IL1RL1: variants seen among roughly 807,000 people sequenced by gnomAD.
IL1RL1 encodes the protein interleukin 1 receptor like 1.
A neutral mutation model predicts 50.9 loss-of-function variants in IL1RL1; 32 were observed. The observed-to-expected ratio is 0.63, with a 90% CI of 0.47 to 0.84. The LOEUF (loss-of-function observed/expected upper bound fraction) is 0.84. Ranked by LOEUF, IL1RL1 falls within the 40% of genes least tolerant of loss-of-function variation. The probability of loss-of-function intolerance (pLI) is 0.00; values close to 1 mark genes in which losing one functional copy is unlikely to be tolerated. For synonymous variants in IL1RL1, 275 were observed against 236.0 expected (o/e 1.17, Z -1.51); for missense variants, 773 against 662.9 (o/e 1.17, Z -1.82).
rs773085067 is a variant in IL1RL1 at position 102,343,129 on chromosome 2, C to G, written c.776C>G (p.Thr259Arg). 6.2e-7 allele frequency: 1 copy of G among 1,614,094 alleles called. No homozygotes were observed. The highest frequency in any genetic ancestry group is 1.1e-5 in the South Asian group (1 of 91,076). ...VLWQLNGTKI[T>R]DFGEPRIQQE... ...TGGCAGCTTAATGGAACAAAAATTA[C>G]AGACTTTGGTGAACCAAGAATTCAA... Residue 259 changes from threonine to arginine, a missense_variant, in exon 7 of 11, where the codon ACA (threonine) becomes AGA (arginine). Transcript: ENST00000233954.
intron 5 of IL1RL1, among the ~76,000 whole-genome samples, chr2:102,341,035 ATTAC>A (rs1677539777): frequency 6.6e-6 from 1 of 152,206 alleles, no homozygotes; most frequent in South Asian, 2.1e-4. Flanking sequence ...GGGAAATTAC[ATTAC>A]TAATTCAAAG....
At chr2:102,344,825 T>C (rs984155301) in intron 8 of IL1RL1, 1 of 947,674 alleles carries the variant, frequency 1.1e-6, no homozygotes, top group African/African-American at 1.8e-5. Flanking sequence ...TTTGGTAAAT[T>C]CAATAACTTT....
intron 8 of IL1RL1, among the ~76,000 whole-genome samples, chr2:102,346,915 T>A (rs1677800831): frequency 6.6e-6 from 1 of 152,234 alleles, no homozygotes; most frequent in South Asian, 2.1e-4. Context: ...TCATTTGAGA[T>A]TCTTCTCACA....
rs112347537 is a variant in IL1RL1, at chr2:102,313,610, T to C, written c.-150+1987T>C. Reference sequence around the variant, plus strand: ...TATTTGTCCTATAATCACAAGGGTTTATATTTCTCTGCCCACTCCTCCATA... The same window carrying C: ...TATTTGTCCTATAATCACAAGGGTTCATATTTCTCTGCCCACTCCTCCATA... On this transcript the variant is annotated intron_variant, in intron 1 of 10. Coordinates refer to ENST00000233954, the MANE Select transcript of IL1RL1 (RefSeq NM_016232.5). 9.0e-3 allele frequency among the ~76,000 whole-genome samples: 1,369 copies of C among 152,290 alleles called. 19 individuals carry two copies. Among genetic ancestry groups the C allele is most frequent in the African/African-American group, 0.031 (1,275 of 41,536 alleles).
chr2:102,346,052 C>T (rs948875152), intron 8 of IL1RL1: 1 of 977,796 alleles, frequency 1.0e-6, no homozygotes, highest in Non-Finnish European at 1.2e-6. Flanking sequence ...CATGGTTACA[C>T]TCTGTTTCAG....
intron 1 of IL1RL1, chr2:102,337,275 A>T (rs985318484): frequency 3.9e-5 from 6 of 152,192 alleles, no homozygotes; most frequent in African/African-American, 9.7e-5. Flanking sequence ...ACCTACAAAG[A>T]CTGGAAACTA....
At chr2:102,328,370 C>T (rs1677074213) in intron 1 of IL1RL1, among the ~76,000 whole-genome samples, 1 of 152,052 alleles carries the variant, frequency 6.6e-6, no homozygotes. Context: ...ATAATAAGAG[C>T]TATCTATGAC....
chr2:102,324,914 C>T (rs531625632), intron 1 of IL1RL1, among the ~76,000 whole-genome samples: 4 of 152,320 alleles, frequency 2.6e-5, no homozygotes, highest in African/African-American at 9.6e-5. Context: ...CTGTAGACTG[C>T]ACCTCTGGGG....
Position 102,349,101 on chromosome 2 carries a change from T to C in IL1RL1, c.1140T>C (p.Tyr380=), listed in dbSNP as rs1677862331. 4 of 1,613,848 alleles carry C rather than the reference T, an allele frequency of 2.5e-6. No homozygotes were observed. Among genetic ancestry groups the C allele is most frequent in the African/African-American group, 1.3e-5 (1 of 75,044 alleles). The change falls in exon 10 of 11, where the codon TAT becomes TAC. Residue 380 remains tyrosine, a synonymous_variant. Transcript: ENST00000233954. ...CAGATGGAAAGCTCTATGATGCTTA[T>C]GTTGTCTACCCACGGAACTACAAAT... ...TRNDGKLYDA[Y]VVYPRNYKSS...
intron 10 of IL1RL1, among the ~76,000 whole-genome samples, chr2:102,351,170 A>G (rs1243494841): frequency 2.6e-5 from 4 of 152,212 alleles, no homozygotes; most frequent in Non-Finnish European, 5.9e-5. Flanking sequence ...TGAAAAACAT[A>G]TAAGCAAATA....
chr2:102,338,137 C>T lies in IL1RL1; in HGVS notation c.-128C>T. ...TCAGTTGAGATATAGGCTACTCTTC[C>T]CAACTCAGTCTTGAAGAGTATCACC... On this transcript the variant is annotated 5_prime_UTR_variant, in exon 2 of 11. Transcript: ENST00000233954. 1.8e-6 allele frequency: 1 copy of T among 550,936 alleles called. No homozygotes were observed. Among genetic ancestry groups the T allele is most frequent in the Non-Finnish European group, 3.3e-6 (1 of 302,996 alleles). The allele number at this position is 550,936 out of a possible 1,614,324, so 34.1% of individuals were successfully genotyped here.
chr2:102,316,965 T>C (rs1280057014), intron 1 of IL1RL1, among the ~76,000 whole-genome samples: 3 of 152,224 alleles, frequency 2.0e-5, no homozygotes, highest in African/African-American at 7.2e-5. Flanking sequence ...TTGTATTATT[T>C]ACATGTCTTC....
chr2:102,319,632 A>T (rs998725246), intron 1 of IL1RL1, among the ~76,000 whole-genome samples: 4 of 152,154 alleles, frequency 2.6e-5, no homozygotes, highest in African/African-American at 9.7e-5. Context: ...ATAAGGCAGG[A>T]TTTCTGCCCT....
At chr2:102,328,062 T>G (rs1489644610) in intron 1 of IL1RL1, among the ~76,000 whole-genome samples, 1 of 152,106 alleles carries the variant, frequency 6.6e-6, no homozygotes, top group African/African-American at 2.4e-5. Flanking sequence ...AAAAAGAGAA[T>G]TTTAGACCAA....
rs188037087 is a variant in IL1RL1 at position 102,339,053 on chromosome 2, A to G, written c.272+6A>G. On this transcript the variant is annotated splice_donor_region_variant and intron_variant, in intron 3 of 10. Coordinates refer to ENST00000233954, the MANE Select transcript of IL1RL1 (RefSeq NM_016232.5). ...TATACCTGTATTGTCAGAAGGTATT[A>G]TGCAGAAGGCTCCCATCTTCTTTCA... 6 of 1,596,814 alleles carry G rather than the reference A, an allele frequency of 3.8e-6. No individual in the cohort carries two copies. The African/African-American group carries it at 4.1e-5, about 11-fold the overall frequency.
intron 9 of IL1RL1, among the ~76,000 whole-genome samples, chr2:102,348,711 T>G (rs1458971933): frequency 6.6e-6 from 1 of 152,184 alleles, no homozygotes; most frequent in Non-Finnish European, 1.5e-5. Flanking sequence ...ACTATTAGCT[T>G]TAAATTTTTT....
chr2:102,311,646 T>C (rs1429566139), intron 1 of IL1RL1, 23 bp downstream of exon 1: 1 of 148,330 alleles, frequency 6.7e-6, no homozygotes, highest in Non-Finnish European at 1.5e-5. Context: ...GGGGTATTTT[T>C]CAAAAATACT....
chr2:102,339,164 T>C, intron 3 of IL1RL1, 117 bp downstream of exon 3: 1 of 694,858 alleles, frequency 1.4e-6, no homozygotes, highest in Non-Finnish European at 2.5e-6. Context: ...CAGTTAAATT[T>C]ATAAAATGAT....
chr2:102,311,939 TA>T lies in IL1RL1; in HGVS notation c.-150+318del, dbSNP rs1559592027. ...TTTATTATATAATATATATTATATA[TA>T]ATATTATATATAATATATATTATAT... On this transcript the variant is annotated intron_variant, in intron 1 of 10. Transcript: ENST00000233954. Among the ~76,000 whole-genome samples, 4 of 39,058 alleles carry T rather than the reference TA, an allele frequency of 1.0e-4. 1 individual carries two copies. In the East Asian group the frequency reaches 4.3e-3, roughly 42 times the overall value. The allele number at this position is 39,058 out of a possible 152,430, so 25.6% of individuals were successfully genotyped here.
Sources: allele counts gnomAD v4.1 joint callset (sites outside exome capture counted in the v4.1 genomes callset), GRCh38; gene constraint gnomAD v4.1.1; transcripts MANE v1.5; gene names NCBI Gene and HGNC (gene_info 2026-07-23, HGNC 2026-07-21).